Variants in ERLEC1 observed in about 807,000 individuals in gnomAD.
ERLEC1 encodes ER lectin.
ERLEC1 carries 47 observed loss-of-function variants against 68.0 expected under a neutral mutation model. The observed-to-expected ratio is 0.69, with a 90% CI of 0.55 to 0.88. The LOEUF (loss-of-function observed/expected upper bound fraction) is 0.88, where lower values mean the gene tolerates loss of function less well. ERLEC1 is among the 40% of genes least tolerant of loss of function. The pLI, the probability that ERLEC1 is intolerant of heterozygous loss-of-function variation, is 0.00. For synonymous variants in ERLEC1, 225 were observed against 203.2 expected (o/e 1.11, Z -0.91); for missense variants, 567 against 583.8 (o/e 0.97, Z 0.30).
At chr2:53,796,564 G>A (rs1275288199) in intron 3 of ERLEC1, among the ~76,000 whole-genome samples, 1 of 151,610 alleles carries the variant, frequency 6.6e-6, no homozygotes, top group Non-Finnish European at 1.5e-5. Context: ...TGCTCAAGCT[G>A]TTCTCCCACC....
At chr2:53,795,163 C>G (rs1675622184) in intron 2 of ERLEC1, among the ~76,000 whole-genome samples, 1 of 152,180 alleles carries the variant, frequency 6.6e-6, no homozygotes, top group Admixed American at 6.5e-5. Flanking sequence ...CTAATTGCCT[C>G]TTATCCATCC....
At chr2:53,812,682 G>A (rs926789687) in intron 10 of ERLEC1, among the ~76,000 whole-genome samples, 14 of 152,156 alleles carry the variant, frequency 9.2e-5, no homozygotes, top group African/African-American at 3.4e-4. Flanking sequence ...CTTACCTGTA[G>A]AAGAGAAAAA....
intron 8 of ERLEC1, among the ~76,000 whole-genome samples, chr2:53,807,986 G>C (rs746409966): frequency 6.6e-6 from 1 of 150,778 alleles, no homozygotes; most frequent in Non-Finnish European, 1.5e-5. Flanking sequence ...GACCGCACCA[G>C]CGCACTCCAG....
At chr2:53,806,048 G>A (rs1263137357) in intron 8 of ERLEC1, among the ~76,000 whole-genome samples, 1 of 152,164 alleles carries the variant, frequency 6.6e-6, no homozygotes, top group Non-Finnish European at 1.5e-5. Flanking sequence ...TTTTGAAAAT[G>A]TACATTTAGC....
At chr2:53,810,317 A>T (rs1290242191) in intron 10 of ERLEC1, among the ~76,000 whole-genome samples, 1 of 152,196 alleles carries the variant, frequency 6.6e-6, no homozygotes, top group Non-Finnish European at 1.5e-5. Flanking sequence ...AAAAAATTTT[A>T]AAAATTTTAA....
intron 13 of ERLEC1, 67 bp downstream of exon 13, chr2:53,815,002 T>TC: frequency 4.2e-6 from 4 of 953,732 alleles, no homozygotes; most frequent in East Asian, 2.8e-5. Flanking sequence ...TTTCTTTTTT[T>TC]TTTTTTTTTT....
chr2:53,790,646 T>C (rs190832737), intron 1 of ERLEC1, among the ~76,000 whole-genome samples: 12 of 152,310 alleles, frequency 7.9e-5, no homozygotes, highest in Non-Finnish European at 1.5e-4. Context: ...GGGGGTTGTT[T>C]GTGTGTTTTG....
In ERLEC1 at chr2:53,818,537, C is replaced by A. The variant is rs963066773; in HGVS notation, c.*568C>A. On this transcript the variant is annotated 3_prime_UTR_variant, in exon 14 of 14. Transcript: ENST00000185150. ...GGGAGTTGTCCTCACCCTTGTTAAT[C>A]TCAAGAAACTCTTATTTATAATAGG... The A allele has an allele frequency of 6.6e-6, 1 of 152,164 alleles. No individual in the cohort carries two copies. Among genetic ancestry groups the A allele is most frequent in the Non-Finnish European group, 1.5e-5 (1 of 68,036 alleles). The allele number at this position is 152,164 out of a possible 1,614,324, so 9.4% of individuals were successfully genotyped here.
At chr2:53,812,230 C>G (rs1325208615) in intron 10 of ERLEC1, among the ~76,000 whole-genome samples, 1 of 152,054 alleles carries the variant, frequency 6.6e-6, no homozygotes, top group Non-Finnish European at 1.5e-5. Flanking sequence ...GTTTTTAATT[C>G]TACTAACCAG....
Position 53,801,704 on chromosome 2 carries a change from A to G in ERLEC1, c.750-9A>G. ...TGCATAGCTTTAATGCTTTGTTCCTACTGAACAGGTTCAGAGCATCTCCTG... is the reference window on the plus strand; with the variant it reads ...TGCATAGCTTTAATGCTTTGTTCCTGCTGAACAGGTTCAGAGCATCTCCTG... On this transcript the variant is annotated splice_polypyrimidine_tract_variant and intron_variant, in intron 7 of 13. Transcript: ENST00000185150. 20 of 1,613,930 alleles carry G rather than the reference A, an allele frequency of 1.2e-5. No individual in the cohort carries two copies. Among genetic ancestry groups the G allele is most frequent in the Non-Finnish European group, 1.7e-5 (20 of 1,179,898 alleles).
chr2:53,791,781 A>G (rs971029501), intron 1 of ERLEC1, among the ~76,000 whole-genome samples: 1 of 152,008 alleles, frequency 6.6e-6, no homozygotes, highest in African/African-American at 2.4e-5. Context: ...TACAAATGTT[A>G]TGTCTCATAG....
At chr2:53,805,542 C>A (rs1173488981) in intron 8 of ERLEC1, among the ~76,000 whole-genome samples, 1 of 152,168 alleles carries the variant, frequency 6.6e-6, no homozygotes, top group African/African-American at 2.4e-5. Context: ...TTTATCCATT[C>A]ATCTGTTGAT....
intron 3 of ERLEC1, 97 bp downstream of exon 3, chr2:53,796,110 GTT>G (rs72502136): frequency 7.5e-4 from 478 of 633,438 alleles, no homozygotes; most frequent in East Asian, 1.4e-3. Context: ...GTTGTGTCAG[GTT>G]TTTTTTTTTA....
intron 1 of ERLEC1, among the ~76,000 whole-genome samples, chr2:53,792,593 T>A (rs1675469798): frequency 6.6e-6 from 1 of 152,230 alleles, no homozygotes; most frequent in Non-Finnish European, 1.5e-5. Flanking sequence ...CTTAAAACAG[T>A]ACTGTCCTAG....
chr2:53,803,033 T>G (rs28391754), intron 8 of ERLEC1, among the ~76,000 whole-genome samples: 15,734 of 152,204 alleles, frequency 0.1, 1,589 homozygotes, highest in African/African-American at 0.27. Flanking sequence ...AAACTTCCAG[T>G]GGATTAACCC....
intron 8 of ERLEC1, among the ~76,000 whole-genome samples, chr2:53,804,257 T>C (rs1465664499): frequency 6.6e-6 from 1 of 152,108 alleles, no homozygotes; most frequent in African/African-American, 2.4e-5. Context: ...TCTTTTGTTG[T>C]TGTTGTTGTT....
chr2:53,803,850 C>T (rs1478795897), intron 8 of ERLEC1, among the ~76,000 whole-genome samples: 1 of 151,814 alleles, frequency 6.6e-6, no homozygotes, highest in Non-Finnish European at 1.5e-5. Context: ...TTAGCATAGG[C>T]CAGGCACATG....
chr2:53,790,550 C>G (rs760471528), intron 1 of ERLEC1, among the ~76,000 whole-genome samples: 20 of 152,140 alleles, frequency 1.3e-4, no homozygotes, highest in Admixed American at 2.0e-4. Context: ...TCTTCCCATT[C>G]AGATATATCA....
chr2:53,804,563 A>T (rs1676177635), intron 8 of ERLEC1, among the ~76,000 whole-genome samples: 1 of 152,206 alleles, frequency 6.6e-6, no homozygotes, highest in Admixed American at 6.5e-5. Flanking sequence ...GGCATGAGCC[A>T]CCACGTGTGG....
Sources: allele counts gnomAD v4.1 joint callset (sites outside exome capture counted in the v4.1 genomes callset), GRCh38; gene constraint gnomAD v4.1.1; transcripts MANE v1.5; gene names NCBI Gene and HGNC (gene_info 2026-07-23, HGNC 2026-07-21).